Variants in ASIC2 observed in about 807,000 individuals in gnomAD.
The protein encoded by ASIC2 is acid-sensing ion channel 2.
ASIC2 carries 25 observed loss-of-function variants against 57.3 expected under a neutral mutation model. The ratio of observed to expected loss-of-function variants is 0.44; its 90% CI spans 0.32 to 0.61. The LOEUF (loss-of-function observed/expected upper bound fraction) is 0.61. Ranked by LOEUF, ASIC2 falls within the 20% of genes least tolerant of loss-of-function variation. The pLI is 0.06. For synonymous variants in ASIC2, 319 were observed against 307.5 expected (o/e 1.04, Z -0.39); for missense variants, 641 against 738.1 (o/e 0.87, Z 1.52).
At chr17:33,841,254 T>A (rs1283481917) in intron 1 of ASIC2, among the ~76,000 whole-genome samples, 1 of 152,202 alleles carries the variant, frequency 6.6e-6, no homozygotes, top group Non-Finnish European at 1.5e-5. Context: ...TCGGGGAAGG[T>A]GTAGACATGG....
At chr17:33,975,769 A>C (rs114608607) in intron 1 of ASIC2, among the ~76,000 whole-genome samples, 3 of 151,856 alleles carry the variant, frequency 2.0e-5, no homozygotes, top group Admixed American at 6.6e-5. Context: ...GTTTGCCTAC[A>C]TTTCTGTCTC....
At chr17:34,011,974 T>A (rs796560572) in intron 1 of ASIC2, among the ~76,000 whole-genome samples, 4 of 152,172 alleles carry the variant, frequency 2.6e-5, no homozygotes, top group Non-Finnish European at 5.9e-5. Context: ...TTTTCACTCA[T>A]GGTTCCTGCA....
intron 1 of ASIC2, among the ~76,000 whole-genome samples, chr17:33,962,194 A>G (rs925697771): frequency 6.6e-6 from 1 of 152,208 alleles, no homozygotes; most frequent in African/African-American, 2.4e-5. Context: ...CCCACAGTCA[A>G]ATGAGGATGG....
chr17:34,067,584 T>C (rs1383145511), intron 1 of ASIC2, among the ~76,000 whole-genome samples: 1 of 152,192 alleles, frequency 6.6e-6, no homozygotes, highest in Non-Finnish European at 1.5e-5. Context: ...CTAAAAAAAC[T>C]ATCCCAAGAA....
rs181315720 is a variant in ASIC2 at position 34,091,318 on chromosome 17, A to G, written c.555+64660T>C. Among the ~76,000 whole-genome samples, 10 of 152,386 alleles carry G rather than the reference A, an allele frequency of 6.6e-5. No individual in the cohort carries two copies. In the East Asian group the frequency reaches 1.4e-3, roughly 21 times the overall value. ...AACCACATCCAGGAGGGAGCAGTTT[A>G]TGTAAAAACAAGAGGGGATGAGTGA... is the stretch of plus-strand genomic sequence containing the variant. On this transcript the variant is annotated intron_variant, in intron 1 of 9. Coordinates refer to the ASIC2 transcript ENST00000359872.
Position 34,094,056 on chromosome 17 carries a change from GGAA to G in ASIC2, c.555+61919_555+61921del, listed in dbSNP as rs1024605574. Among the ~76,000 whole-genome samples, 7 of 152,136 alleles carry G rather than the reference GGAA, an allele frequency of 4.6e-5. No homozygotes were observed. In the South Asian group the frequency reaches 8.3e-4, roughly 18 times the overall value. On this transcript the variant is annotated intron_variant, in intron 1 of 9. Transcript: ENST00000359872. ...TACCTGAAAGTGGATATTGACAGGAGGAAGAAGAACGAACTATAAAGGGCTCTT... is the reference window on the plus strand; with the variant it reads ...TACCTGAAAGTGGATATTGACAGGAGGAAGAACGAACTATAAAGGGCTCTT...
At chr17:33,929,019 A>C (rs963673999) in intron 1 of ASIC2, among the ~76,000 whole-genome samples, 1 of 151,660 alleles carries the variant, frequency 6.6e-6, no homozygotes, top group East Asian at 1.9e-4. Context: ...TGACCCACCC[A>C]CTCGCATGCT....
intron 1 of ASIC2, among the ~76,000 whole-genome samples, chr17:33,985,787 A>G (rs1905797685): frequency 6.6e-6 from 1 of 152,216 alleles, no homozygotes; most frequent in South Asian, 2.1e-4. Flanking sequence ...CTGGTAATGT[A>G]GAAGTCTTTA....
At chr17:33,174,699 G>T (rs1905671950) in intron 1 of ASIC2, among the ~76,000 whole-genome samples, 1 of 152,142 alleles carries the variant, frequency 6.6e-6, no homozygotes, top group Non-Finnish European at 1.5e-5. Context: ...AAAGGAAGAG[G>T]CATGTGTCCC....
At chr17:33,965,961 T>C (rs1458674218) in intron 1 of ASIC2, among the ~76,000 whole-genome samples, 1 of 152,222 alleles carries the variant, frequency 6.6e-6, no homozygotes, top group Non-Finnish European at 1.5e-5. Flanking sequence ...CACTTGCCTA[T>C]GCTCTCCTCC....
At chr17:33,374,635 A>G (rs1909210889) in intron 1 of ASIC2, among the ~76,000 whole-genome samples, 1 of 152,240 alleles carries the variant, frequency 6.6e-6, no homozygotes, top group Non-Finnish European at 1.5e-5. Flanking sequence ...TTGTCTGTGC[A>G]GTGGCAGGAA....
intron 1 of ASIC2, among the ~76,000 whole-genome samples, chr17:33,448,833 G>T (rs963317920): frequency 6.6e-6 from 1 of 152,218 alleles, no homozygotes; most frequent in Non-Finnish European, 1.5e-5. Flanking sequence ...TTGCATAGAT[G>T]CAGAATGGAC....
chr17:33,965,895 A>C (rs1269577987), intron 1 of ASIC2, among the ~76,000 whole-genome samples: 1 of 152,198 alleles, frequency 6.6e-6, no homozygotes, highest in African/African-American at 2.4e-5. Context: ...GGACTAGCCC[A>C]AGGGGAGCAG....
intron 1 of ASIC2, among the ~76,000 whole-genome samples, chr17:33,405,370 G>A (rs1910431232): frequency 1.3e-5 from 2 of 152,058 alleles, no homozygotes; most frequent in South Asian, 4.1e-4. Context: ...CTTACTTTCT[G>A]TATTATTGAT....
At chr17:33,740,000 AAAAT>A (rs1163289537) in intron 1 of ASIC2, among the ~76,000 whole-genome samples, 5 of 151,254 alleles carry the variant, frequency 3.3e-5, no homozygotes, top group Middle Eastern at 3.4e-3. Context: ...GAAAGAAAGA[AAAAT>A]AAAGAAAGAG....
At chr17:33,866,488 T>C (rs985417470) in intron 1 of ASIC2, among the ~76,000 whole-genome samples, 2 of 152,228 alleles carry the variant, frequency 1.3e-5, no homozygotes, top group African/African-American at 4.8e-5. Context: ...TACATTTATC[T>C]CTGAGCACTT....
rs185325700 is a variant in ASIC2 at position 33,579,700 on chromosome 17, G to C, written c.556-467633C>G. Among the ~76,000 whole-genome samples, 7 of 152,256 alleles carry C rather than the reference G, an allele frequency of 4.6e-5. No homozygotes were observed. The East Asian group carries it at 7.7e-4, about 17-fold the overall frequency. The stretch of plus-strand genomic sequence containing the variant: ...TTCTAGAGTGAAGCTACAGACCTTC[G>C]CAGCCAGCGTTACAACTGTTAAAAG... On this transcript the variant is annotated intron_variant, in intron 1 of 9. Transcript: ENST00000359872.
At chr17:33,236,371 A>C (rs1205560375) in intron 1 of ASIC2, among the ~76,000 whole-genome samples, 1 of 151,918 alleles carries the variant, frequency 6.6e-6, no homozygotes, top group East Asian at 1.9e-4. Context: ...TTGGAATAGC[A>C]TCTTCCTCTG....
intron 3 of ASIC2, among the ~76,000 whole-genome samples, chr17:33,050,062 T>C (rs2078807217): frequency 6.6e-6 from 1 of 152,258 alleles, no homozygotes; most frequent in East Asian, 1.9e-4. Flanking sequence ...TGCTATCGGG[T>C]AAGCCTGCTC....
Sources: allele counts gnomAD v4.1 joint callset (sites outside exome capture counted in the v4.1 genomes callset), GRCh38; gene constraint gnomAD v4.1.1; transcripts MANE v1.5; gene names NCBI Gene and HGNC (gene_info 2026-07-23, HGNC 2026-07-21).